MAP3K21: variants seen among roughly 807,000 people sequenced by gnomAD.
MAP3K21 encodes mitogen-activated protein kinase kinase kinase 21.
In MAP3K21, 63 loss-of-function variants were observed where a neutral mutation model predicts 86.1. The ratio of observed to expected loss-of-function variants is 0.73; its 90% CI spans 0.60 to 0.90. The LOEUF is 0.90. MAP3K21 is among the 40% of genes least tolerant of loss of function. The pLI, the probability that MAP3K21 is intolerant of heterozygous loss-of-function variation, is 0.00. For synonymous variants in MAP3K21, 558 were observed against 564.8 expected (o/e 0.99, Z 0.17); for missense variants, 1,220 against 1,367.7 (o/e 0.89, Z 1.70).
Position 233,379,532 on chromosome 1 carries a change from C to A in MAP3K21, c.2526C>A (p.Ala842=), listed in dbSNP as rs1663872010. ...TCACTCCGGATTTTTGTCCCACTGC[C>A]CCAGGAAGTGGTCGTGAGCCAGCCC... ...EMLTPDFCPT[A]PGSGREPALM... The change falls in exon 9 of 10, where the codon GCC becomes GCA. Residue 842 remains alanine, a synonymous_variant. Coordinates refer to ENST00000366624, the MANE Select transcript of MAP3K21 (RefSeq NM_032435.3). 1 of 1,614,086 alleles carries A rather than the reference C, an allele frequency of 6.2e-7. No homozygotes were observed. Among genetic ancestry groups the A allele is most frequent in the African/African-American group, 1.3e-5 (1 of 74,930 alleles).
chr1:233,330,589 A>G (rs1662792596), intron 1 of MAP3K21, among the ~76,000 whole-genome samples: 1 of 152,230 alleles, frequency 6.6e-6, no homozygotes, highest in Non-Finnish European at 1.5e-5. Context: ...TTTTAAGGAC[A>G]TCAACAGCAC....
At chr1:233,363,343 A>T (rs1663502582) in intron 5 of MAP3K21, among the ~76,000 whole-genome samples, 1 of 152,234 alleles carries the variant, frequency 6.6e-6, no homozygotes, top group African/African-American at 2.4e-5. Context: ...AACACTGGAA[A>T]GCTTGCAGAA....
chr1:233,334,963 C>CTTTTTTTTTTTTTTTT (rs10640127), intron 1 of MAP3K21, among the ~76,000 whole-genome samples: 1 of 146,620 alleles, frequency 6.8e-6, no homozygotes, highest in Non-Finnish European at 1.5e-5. Flanking sequence ...TTCTTTCTTT[C>CTTTTTTTTTTTTTTTT]TTTTTTTTTT....
chr1:233,369,673 A>G (rs1663647217), intron 5 of MAP3K21, among the ~76,000 whole-genome samples: 1 of 152,194 alleles, frequency 6.6e-6, no homozygotes, highest in Non-Finnish European at 1.5e-5. Context: ...ACCTGACATG[A>G]TATGAAACTG....
Position 233,364,965 on chromosome 1 carries a change from A to C in MAP3K21, c.1552+2672A>C, listed in dbSNP as rs569824147. On this transcript the variant is annotated intron_variant, in intron 5 of 9. Transcript: ENST00000366624. The stretch of plus-strand genomic sequence containing the variant: ...TGGAAATTTCTATTAGAATGCTCCA[A>C]CCCTAAACTCACACACATGCACGCA... 2.9e-3 allele frequency among the ~76,000 whole-genome samples: 449 copies of C among 152,262 alleles called. 4 individuals carry two copies. Among genetic ancestry groups the C allele is most frequent in the African/African-American group, 1.0e-2 (415 of 41,546 alleles).
chr1:233,383,314 A>G lies in MAP3K21; in HGVS notation c.*603A>G, dbSNP rs1242366288. 1 of 152,478 alleles carries G rather than the reference A, an allele frequency of 6.6e-6. No individual in the cohort carries two copies. Among genetic ancestry groups the G allele is most frequent in the Non-Finnish European group, 1.5e-5 (1 of 68,128 alleles). The allele number at this position is 152,478 out of a possible 1,614,324, so 9.4% of individuals were successfully genotyped here. ...AACCTTGGCTGTGGGCCGATAATGC[A>G]TATGTCCAGTTCTCACTTAAATTAT... On this transcript the variant is annotated 3_prime_UTR_variant, in exon 10 of 10. Coordinates refer to ENST00000366624, the MANE Select transcript of MAP3K21 (RefSeq NM_032435.3).
At chr1:233,364,585 T>G (rs970218645) in intron 5 of MAP3K21, among the ~76,000 whole-genome samples, 15 of 152,256 alleles carry the variant, frequency 9.9e-5, no homozygotes, top group African/African-American at 3.1e-4. Context: ...GGTCAGATTT[T>G]CAGTCTTGCT....
In MAP3K21 at chr1:233,351,032, A is replaced by G. The variant is rs1344291465; in HGVS notation, c.987-2775A>G. On this transcript the variant is annotated intron_variant, in intron 2 of 9. Coordinates refer to ENST00000366624, the MANE Select transcript of MAP3K21 (RefSeq NM_032435.3). Reference sequence around the variant, plus strand: ...TTGCAAGAAGCAGAGTTATATTGCTATTTTTTTAAGTTTTGTTATTTGTTA... The same window carrying G: ...TTGCAAGAAGCAGAGTTATATTGCTGTTTTTTTAAGTTTTGTTATTTGTTA... Among the ~76,000 whole-genome samples, 3 of 151,812 alleles carry G rather than the reference A, an allele frequency of 2.0e-5. No individual in the cohort carries two copies. The East Asian group carries it at 5.8e-4, about 29-fold the overall frequency.
chr1:233,364,127 CT>C (rs1314684646), intron 5 of MAP3K21, among the ~76,000 whole-genome samples: 2 of 152,094 alleles, frequency 1.3e-5, no homozygotes, highest in Non-Finnish European at 2.9e-5. Context: ...ACTGTGGATC[CT>C]TATCACTTTT....
chr1:233,345,145 T>G (rs1663108509), intron 1 of MAP3K21, among the ~76,000 whole-genome samples: 1 of 152,216 alleles, frequency 6.6e-6, no homozygotes, highest in Admixed American at 6.5e-5. Flanking sequence ...GAGTGTAAAC[T>G]GGTTCAACCA....
chr1:233,328,538 C>T lies in MAP3K21; in HGVS notation c.510C>T (p.Arg170=). The T allele has an allele frequency of 6.5e-7, 1 of 1,531,902 alleles. No homozygotes were observed. Among genetic ancestry groups the T allele is most frequent in the East Asian group, 2.7e-5 (1 of 37,474 alleles). 94.9% of individuals were successfully genotyped at this position (1,531,902 alleles called of 1,614,324 possible). A position where few individuals can be genotyped will look rare whatever the true frequency, so the allele number is the denominator to read the frequency against. The stretch of plus-strand genomic sequence containing the variant: ...CGGCGGCTGCCGAGAGCGTGCGGCG[C>T]GAGGCTCGGCTCTTCGCCATGCTGC... ...DAAAAAESVR[R]EARLFAMLRH... is the part of the protein sequence containing the mutation. The change falls in exon 1 of 10, where the codon CGC becomes CGT. Residue 170 remains arginine (R), a synonymous_variant. Coordinates refer to ENST00000366624, the MANE Select transcript of MAP3K21 (RefSeq NM_032435.3). The surrounding 1 kb of genome is among the most constrained non-coding windows in gnomAD (Gnocchi z 8.7).
intron 1 of MAP3K21, among the ~76,000 whole-genome samples, chr1:233,336,090 ATCTC>A (rs779052479): frequency 4.6e-5 from 7 of 152,188 alleles, no homozygotes; most frequent in Non-Finnish European, 8.8e-5. Context: ...TGGCGTCAGA[ATCTC>A]TCTGAGAACT....
chr1:233,350,592 C>T (rs1228300533), intron 2 of MAP3K21, among the ~76,000 whole-genome samples: 1 of 152,166 alleles, frequency 6.6e-6, no homozygotes, highest in Non-Finnish European at 1.5e-5. Context: ...CTTCTCTTCT[C>T]CTCCCTTCCT....
At chr1:233,365,221 A>G (rs1186704863) in intron 5 of MAP3K21, among the ~76,000 whole-genome samples, 3 of 152,110 alleles carry the variant, frequency 2.0e-5, no homozygotes, top group African/African-American at 7.2e-5. Flanking sequence ...CTAGGCAAAA[A>G]TTTTATGACT....
chr1:233,356,285 T>C (rs1256233743), intron 4 of MAP3K21, among the ~76,000 whole-genome samples: 2 of 152,218 alleles, frequency 1.3e-5, no homozygotes, highest in East Asian at 1.9e-4. Context: ...TCCTTTCTGC[T>C]AGATAATAAG....
At chr1:233,371,297 G>A (rs951290459) in intron 5 of MAP3K21, among the ~76,000 whole-genome samples, 11 of 152,084 alleles carry the variant, frequency 7.2e-5, no homozygotes, top group African/African-American at 2.7e-4. Context: ...GGTCCATAGC[G>A]TGTTATGTTA....
chr1:233,332,068 C>T (rs73093300), intron 1 of MAP3K21, among the ~76,000 whole-genome samples: 1,577 of 152,126 alleles, frequency 0.01, 26 homozygotes, highest in African/African-American at 0.035. Flanking sequence ...CAGTGTTATG[C>T]GCATTTACAG....
At chr1:233,338,705 G>A (rs1043887012) in intron 1 of MAP3K21, among the ~76,000 whole-genome samples, 2 of 152,180 alleles carry the variant, frequency 1.3e-5, no homozygotes, top group African/African-American at 4.8e-5. Context: ...CAGAACAGCA[G>A]CACATGAGGG....
At chr1:233,343,271 C>G (rs1203313107) in intron 1 of MAP3K21, among the ~76,000 whole-genome samples, 1 of 152,176 alleles carries the variant, frequency 6.6e-6, no homozygotes, top group African/African-American at 2.4e-5. Flanking sequence ...AAAACACTTT[C>G]AAACCCATTA....
Sources: gnomAD v4.1 joint callset for allele counts (sites outside exome capture counted in the v4.1 genomes callset) on GRCh38, gnomAD v4.1.1 for gene constraint, Gnocchi (gnomAD v3.1) non-coding constraint, MANE v1.5 for transcripts, NCBI Gene and HGNC (gene_info 2026-07-23, HGNC 2026-07-21) for gene names.